Variants in PARP3 observed in about 807,000 individuals in gnomAD.
PARP3 encodes protein mono-ADP-ribosyltransferase PARP3.
Under a neutral mutation model 58.2 loss-of-function variants are expected in PARP3, and 46 were observed. That is an observed-to-expected ratio of 0.79 (90% confidence interval 0.62 to 1.01). The LOEUF is 1.01. PARP3 is among the 50% of genes least tolerant of loss of function. PARP3 has a pLI of 0.00. For missense variants in PARP3, 663 were observed against 683.9 expected (o/e 0.97, Z 0.34); for synonymous variants, 252 against 266.4 (o/e 0.95, Z 0.53).
chr3:51,945,399 CACAGGTGGGGTGGCT>C, intron 6 of PARP3, 81 bp from the exon 7 acceptor site: 1 of 1,461,712 alleles, frequency 6.8e-7, no homozygotes, highest in Non-Finnish European at 9.3e-7. Flanking sequence ...AGGTGGGACA[CACAGGTGGGGTGGCT>C]ACAATACCAG....
At position 51,948,308 on chromosome 3, in the gene PARP3, C is replaced by A; in HGVS notation, c.1433-3C>A. On this transcript the variant is annotated splice_polypyrimidine_tract_variant and splice_region_variant and intron_variant, in intron 10 of 10. Coordinates refer to ENST00000398755, the MANE Select transcript of PARP3 (RefSeq NM_001003931.4). ...CCACCCTGGCCCTTGCTGTGCCCTG[C>A]AGATCCGACCCAGGACACTGAGTTG... 1 of 1,612,640 alleles carries A rather than the reference C, an allele frequency of 6.2e-7. No individual in the cohort carries two copies. The highest frequency in any genetic ancestry group is 8.5e-7 in the Non-Finnish European group (1 of 1,179,160).
Position 51,944,013 on chromosome 3 carries a change from C to A in PARP3, c.184-76C>A, listed in dbSNP as rs1699608572. ...ACTGCCGTCAGACTCCTGTCCCCAT[C>A]AGAGCCCTCTCGGTGTACGGCCAGG... On this transcript the variant is annotated intron_variant, in intron 2 of 10. Transcript: ENST00000398755. The surrounding 1 kb of genome is among the most constrained non-coding windows in gnomAD (Gnocchi z 4.2). 4 of 1,447,116 alleles carry A rather than the reference C, an allele frequency of 2.8e-6. No homozygotes were observed. The Admixed American group carries it at 5.6e-5, about 20-fold the overall frequency. The allele number at this position is 1,447,116 out of a possible 1,614,324, so 89.6% of individuals were successfully genotyped here.
rs935927448 is a variant in PARP3, at chr3:51,947,559, G to A, written c.1277-181G>A. ...AGAGGGTACAGATGCCTGGCCATAGGGAGCACAGTGAGGTGGGAGGGAGCA... is the reference window on the plus strand; with the variant it reads ...AGAGGGTACAGATGCCTGGCCATAGAGAGCACAGTGAGGTGGGAGGGAGCA... On this transcript the variant is annotated intron_variant, in intron 9 of 10. Transcript: ENST00000398755. 2.3e-5 allele frequency: 15 copies of A among 644,346 alleles called. No individual in the cohort carries two copies. In the African/African-American group the frequency reaches 2.4e-4, roughly 10 times the overall value. The allele number at this position is 644,346 out of a possible 1,614,324, so 39.9% of individuals were successfully genotyped here.
At position 51,942,491 on chromosome 3, in the gene PARP3, C is replaced by A. The variant is rs1699568111; in HGVS notation, c.-220C>A. ...CCGTGGGACTGGTCGCCTGACTCGG[C>A]CTGCCCCAGCCTCTGCTTCACCCCA... On this transcript the variant is annotated 5_prime_UTR_variant, in exon 1 of 11. Coordinates refer to ENST00000398755, the MANE Select transcript of PARP3 (RefSeq NM_001003931.4). The A allele has an allele frequency of 1.4e-5, 9 of 658,044 alleles. No homozygotes were observed. The East Asian group carries it at 2.5e-4, about 18-fold the overall frequency. The allele number at this position is 658,044 out of a possible 1,614,324, so 40.8% of individuals were successfully genotyped here.
chr3:51,945,762 G>C, intron 7 of PARP3, 91 bp from the exon 8 acceptor site: 1 of 1,517,916 alleles, frequency 6.6e-7, no homozygotes, highest in African/African-American at 1.4e-5. Flanking sequence ...TGTCTCCAGG[G>C]CCTGAGGAGG....
Position 51,948,734 on chromosome 3 carries a change from C to A in PARP3, c.*254C>A. The A allele has an allele frequency of 2.2e-6, 1 of 462,314 alleles. No homozygotes were observed. Among genetic ancestry groups the A allele is most frequent in the East Asian group, 3.7e-5 (1 of 27,256 alleles). The allele number at this position is 462,314 out of a possible 1,614,324, so 28.6% of individuals were successfully genotyped here. A position where few individuals can be genotyped will look rare whatever the true frequency, so the allele number is the denominator to read the frequency against. On this transcript the variant is annotated 3_prime_UTR_variant, in exon 11 of 11. Transcript: ENST00000398755. ...ATTTGACTCTTTACTTGTATAAGGGCAGCTTTTATAGGTTCCACATGTAAG... is the reference window on the plus strand; with the variant it reads ...ATTTGACTCTTTACTTGTATAAGGGAAGCTTTTATAGGTTCCACATGTAAG...
chr3:51,944,942 G>A lies in PARP3; in HGVS notation c.634+32G>A. ...GGTGAGAGGCAGGCAGGGTGGCAGG[G>A]GCCTCAGGGTGGCAGGGCTGTGGGG... On this transcript the variant is annotated intron_variant, in intron 5 of 10. Coordinates refer to ENST00000398755, the MANE Select transcript of PARP3 (RefSeq NM_001003931.4). This position sits in a 1 kb window ranked among gnomAD's most constrained non-coding sequence, Gnocchi z 4.2. 1 of 1,613,254 alleles carries A rather than the reference G, an allele frequency of 6.2e-7. No individual in the cohort carries two copies. The highest frequency in any genetic ancestry group is 8.5e-7 in the Non-Finnish European group (1 of 1,179,746).
chr3:51,947,732 T>C lies in PARP3; in HGVS notation c.1277-8T>C. ...AGCTGCCCACCGGTGCCTCCCTGTG[T>C]CTTGCAGTTATTGGCATGAAGTGTG... On this transcript the variant is annotated splice_polypyrimidine_tract_variant and splice_region_variant and intron_variant, in intron 9 of 10. Coordinates refer to ENST00000398755, the MANE Select transcript of PARP3 (RefSeq NM_001003931.4). 6.2e-7 allele frequency: 1 copy of C among 1,614,014 alleles called. No individual in the cohort carries two copies. Among genetic ancestry groups the C allele is most frequent in the Non-Finnish European group, 8.5e-7 (1 of 1,179,950 alleles).
chr3:51,945,153 A>G lies in PARP3; in HGVS notation c.790A>G (p.Asn264Asp). The G allele has an allele frequency of 1.2e-6, 2 of 1,614,028 alleles. No homozygotes were observed. The highest frequency in any genetic ancestry group is 1.3e-5 in the African/African-American group (1 of 75,028). The change falls in exon 6 of 11, where the codon AAC (asparagine) becomes GAC (aspartate). Residue 264 changes from asparagine to aspartate, a missense_variant. Asn to Asp is a conservative substitution (Grantham distance 23). Around this residue, in one of 3 missense-constraint regions of PARP3, gnomAD observed 567 missense variants for 553.6 expected, o/e 1.02. Coordinates refer to ENST00000398755, the MANE Select transcript of PARP3 (RefSeq NM_001003931.4). Reference sequence around the variant, plus strand: ...ACACTTTTACACCGTCATCCCGCACAACTTCGGCCACAGCCAGCCCCCGCC... The same window carrying G: ...ACACTTTTACACCGTCATCCCGCACGACTTCGGCCACAGCCAGCCCCCGCC... ...SSHFYTVIPH[N>D]FGHSQPPPIN... is the part of the protein sequence containing the mutation.
At position 51,944,025 on chromosome 3, in the gene PARP3, G is replaced by A. The variant is rs1328682349; in HGVS notation, c.184-64G>A. 9.8e-5 allele frequency: 150 copies of A among 1,531,372 alleles called. 1 individual carries two copies. The East Asian group carries it at 2.7e-3, about 27-fold the overall frequency. The allele number at this position is 1,531,372 out of a possible 1,614,324, so 94.9% of individuals were successfully genotyped here. On this transcript the variant is annotated intron_variant, in intron 2 of 10. Transcript: ENST00000398755. The surrounding 1 kb of genome is among the most constrained non-coding windows in gnomAD (Gnocchi z 4.2). ...CTCCTGTCCCCATCAGAGCCCTCTCGGTGTACGGCCAGGCACCCCATCTGA... is the reference window on the plus strand; with the variant it reads ...CTCCTGTCCCCATCAGAGCCCTCTCAGTGTACGGCCAGGCACCCCATCTGA...
chr3:51,943,025 C>T (rs1699582044), intron 1 of PARP3: 40 of 1,397,928 alleles, frequency 2.9e-5, no homozygotes, highest in Non-Finnish European at 3.7e-5. Flanking sequence ...CTTTCACTTT[C>T]CCTACCCCTC....
rs1275859385 is a variant in PARP3 at position 51,944,108 on chromosome 3, G to A, written c.203G>A (p.Cys68Tyr). Residue 68 changes from cysteine (C) to tyrosine (Y), a missense_variant, in exon 3 of 11, where the codon TGC becomes TAC. Transcript: ENST00000398755. This position sits in a 1 kb window ranked among gnomAD's most constrained non-coding sequence, Gnocchi z 4.2. Reference protein sequence around the residue: ...PGTQVYEDYNCTLNQTNIENN... With the variant: ...PGTQVYEDYNYTLNQTNIENN... ...GCCCAGGTGTATGAGGACTACAACTGCACCCTGAACCAGACCAACATCGAG... is the reference window on the plus strand; with the variant it reads ...GCCCAGGTGTATGAGGACTACAACTACACCCTGAACCAGACCAACATCGAG... 6.2e-7 allele frequency: 1 copy of A among 1,613,582 alleles called. No individual in the cohort carries two copies. The highest frequency in any genetic ancestry group is 8.5e-7 in the Non-Finnish European group (1 of 1,179,892).
Position 51,948,477 on chromosome 3 carries a change from C to G in PARP3, c.1599C>G (p.Leu533=). 6.2e-7 allele frequency: 1 copy of G among 1,613,852 alleles called. No homozygotes were observed. Among genetic ancestry groups the G allele is most frequent in the Non-Finnish European group, 8.5e-7 (1 of 1,179,806 alleles). The part of the protein sequence containing the change: ...CRLRYLLEVH[L] Reference sequence around the variant, plus strand: ...TGCGCTACCTGCTGGAGGTCCACCTCTGAGTGCCCGCCCTGTCCCCCGGGG... The same window carrying G: ...TGCGCTACCTGCTGGAGGTCCACCTGTGAGTGCCCGCCCTGTCCCCCGGGG... The change falls in exon 11 of 11, where the codon CTC becomes CTG. Residue 533 remains leucine (L), a synonymous_variant. Coordinates refer to ENST00000398755, the MANE Select transcript of PARP3 (RefSeq NM_001003931.4).
chr3:51,947,550 TG>T, intron 9 of PARP3, 189 bp from the exon 10 acceptor site: 2 of 625,094 alleles, frequency 3.2e-6, no homozygotes, highest in South Asian at 3.9e-5. Context: ...TACAGATGCC[TG>T]GCCATAGGGA....
chr3:51,944,706 A>G lies in PARP3; in HGVS notation c.502-72A>G. On this transcript the variant is annotated intron_variant, in intron 4 of 10. Coordinates refer to ENST00000398755, the MANE Select transcript of PARP3 (RefSeq NM_001003931.4). This position sits in a 1 kb window ranked among gnomAD's most constrained non-coding sequence, Gnocchi z 4.2. Reference sequence around the variant, plus strand: ...AGCCACAGAACTCCCCTCTGGCCTCAGGCTGGCTGGTCTCTGTCTGGTGTC... The same window carrying G: ...AGCCACAGAACTCCCCTCTGGCCTCGGGCTGGCTGGTCTCTGTCTGGTGTC... 6.4e-7 allele frequency: 1 copy of G among 1,573,430 alleles called. No individual in the cohort carries two copies. The highest frequency in any genetic ancestry group is 2.3e-5 in the East Asian group (1 of 44,072).
chr3:51,946,332 C>T lies in PARP3; in HGVS notation c.1265C>T (p.Ser422Leu), dbSNP rs767354956. ...TACTTTGCCTCAGAGAACAGCAAGTCAGCTGGATATGGTGAGGTGCCCCTC... is the reference window on the plus strand; with the variant it reads ...TACTTTGCCTCAGAGAACAGCAAGTTAGCTGGATATGGTGAGGTGCCCCTC... ...GIYFASENSK[S>L]AGYVIGMKCG... is the part of the protein sequence containing the mutation. The change falls in exon 9 of 11, where the codon TCA becomes TTA. Residue 422 changes from serine to leucine, a missense_variant. Coordinates refer to ENST00000398755, the MANE Select transcript of PARP3 (RefSeq NM_001003931.4). The surrounding 1 kb of genome is among the most constrained non-coding windows in gnomAD (Gnocchi z 4.6). 2.5e-6 allele frequency: 4 copies of T among 1,606,420 alleles called. No individual in the cohort carries two copies. In the South Asian group the frequency reaches 4.5e-5, roughly 18 times the overall value.
Position 51,948,587 on chromosome 3 carries a change from C to T in PARP3, c.*107C>T, listed in dbSNP as rs931828786. The T allele has an allele frequency of 1.5e-5, 15 of 972,886 alleles. No homozygotes were observed. In the African/African-American group the frequency reaches 1.8e-4, roughly 12 times the overall value. The allele number at this position is 972,886 out of a possible 1,614,324, so 60.3% of individuals were successfully genotyped here. On this transcript the variant is annotated 3_prime_UTR_variant, in exon 11 of 11. Coordinates refer to ENST00000398755, the MANE Select transcript of PARP3 (RefSeq NM_001003931.4). ...ACTCCTTTTTTTCAAGAATACAATACGTTGTTGTTAACTATAGTCACCATG... is the reference window on the plus strand; with the variant it reads ...ACTCCTTTTTTTCAAGAATACAATATGTTGTTGTTAACTATAGTCACCATG...
chr3:51,943,556 G>A lies in PARP3; in HGVS notation c.183+18G>A. On this transcript the variant is annotated intron_variant, in intron 2 of 10. Coordinates refer to ENST00000398755, the MANE Select transcript of PARP3 (RefSeq NM_001003931.4). ...GGACCCAGGTGAGCTGCAGTCCCCAGTCAGGCCCAGAGCCTGCCCACTGAT... is the reference window on the plus strand; with the variant it reads ...GGACCCAGGTGAGCTGCAGTCCCCAATCAGGCCCAGAGCCTGCCCACTGAT... The A allele has an allele frequency of 6.2e-7, 1 of 1,600,220 alleles. No homozygotes were observed. The highest frequency in any genetic ancestry group is 1.3e-5 in the African/African-American group (1 of 74,748).
Position 51,944,230 on chromosome 3 carries a change from C to T in PARP3, c.312+13C>T, listed in dbSNP as rs375743834. ...CTGGGGCCGTGTGGTGAGTGCCCTG[C>T]CTGCTCTGCACATACTCCCCAGGGT... On this transcript the variant is annotated intron_variant, in intron 3 of 10. Transcript: ENST00000398755. The surrounding 1 kb of genome is among the most constrained non-coding windows in gnomAD (Gnocchi z 4.2). 6.2e-6 allele frequency: 10 copies of T among 1,613,812 alleles called. No homozygotes were observed. Among genetic ancestry groups the T allele is most frequent in the Non-Finnish European group, 6.8e-6 (8 of 1,179,874 alleles).
Sources: gnomAD v4.1 joint callset for allele counts on GRCh38, gnomAD v4.1.1 for gene constraint, gnomAD v4.1.1 regional missense constraint, Gnocchi (gnomAD v3.1) non-coding constraint, MANE v1.5 for transcripts, NCBI Gene and HGNC (gene_info 2026-07-23, HGNC 2026-07-21) for gene names.